Variants in DOCK10 observed in about 807,000 individuals in gnomAD.
The protein encoded by DOCK10 is dedicator of cytokinesis 10.
Under a neutral mutation model 280.1 loss-of-function variants are expected in DOCK10, and 145 were observed. That is an observed-to-expected ratio of 0.52 (90% CI 0.45 to 0.59). DOCK10 has a LOEUF of 0.59. Ranked by LOEUF, DOCK10 falls within the 20% of genes least tolerant of loss-of-function variation. The pLI is 0.00. For missense variants in DOCK10, 2,368 were observed against 2,651.7 expected, an observed-to-expected ratio of 0.89 and a Z score of 2.35; for synonymous variants, 915 against 942.2, an observed-to-expected ratio of 0.97 and a Z score of 0.53.
rs1701134888 is a variant in DOCK10, at chr2:224,913,236, T to C, written c.333+3459A>G. On this transcript the variant is annotated intron_variant, in intron 3 of 55. Coordinates refer to ENST00000258390, the MANE Select transcript of DOCK10 (RefSeq NM_014689.3). ...ACAGATGTGAGTATTTCAAACATCATGTGATCGTGTTTCTTTCACTATATT... is the reference window on the plus strand; with the variant it reads ...ACAGATGTGAGTATTTCAAACATCACGTGATCGTGTTTCTTTCACTATATT... Among the ~76,000 whole-genome samples, 4 of 152,224 alleles carry C rather than the reference T, an allele frequency of 2.6e-5. No individual in the cohort carries two copies. The South Asian group carries it at 8.3e-4, about 31-fold the overall frequency.
chr2:224,811,272 A>T (rs1445553684), intron 31 of DOCK10, among the ~76,000 whole-genome samples: 5 of 152,212 alleles, frequency 3.3e-5, no homozygotes. Flanking sequence ...TTTTGGCTGC[A>T]TAAATGTCTT....
chr2:224,973,555 C>T (rs1705220033), intron 1 of DOCK10, among the ~76,000 whole-genome samples: 1 of 152,096 alleles, frequency 6.6e-6, no homozygotes. Context: ...AACAGATTCT[C>T]CCCTAGCACC....
intron 21 of DOCK10, 74 bp from the exon 22 acceptor site, chr2:224,844,913 G>C: frequency 9.1e-7 from 1 of 1,100,654 alleles, no homozygotes; most frequent in South Asian, 1.3e-5. Flanking sequence ...TTTAGTTTAT[G>C]TTAATGTGCT....
intron 1 of DOCK10, among the ~76,000 whole-genome samples, chr2:224,956,945 A>G (rs1464519096): frequency 6.6e-6 from 1 of 152,228 alleles, no homozygotes; most frequent in Non-Finnish European, 1.5e-5. Context: ...CAGCCTCTTC[A>G]CTGGCCACGG....
intron 50 of DOCK10, among the ~76,000 whole-genome samples, chr2:224,784,413 T>TAC (rs1691588681): frequency 2.6e-5 from 4 of 152,242 alleles, no homozygotes; most frequent in South Asian, 2.1e-4. Flanking sequence ...AAGTCTATGC[T>TAC]ACATATATTT....
chr2:224,931,788 G>A (rs897062279), intron 1 of DOCK10, 120 bp from the exon 2 acceptor site: 8 of 1,113,970 alleles, frequency 7.2e-6, no homozygotes, highest in Non-Finnish European at 7.3e-6. Context: ...TCCTTCCAAT[G>A]CAGTCACAGA....
chr2:224,844,639 C>T (rs928760209), intron 22 of DOCK10, 114 bp downstream of exon 22: 17 of 715,440 alleles, frequency 2.4e-5, no homozygotes, highest in Non-Finnish European at 3.4e-5. Flanking sequence ...AGTATTCAAA[C>T]ACCTGCCTTT....
Position 225,042,284 on chromosome 2 carries a change from C to T in DOCK10, c.91G>A (p.Ala31Thr), listed in dbSNP as rs781532938. 7.5e-6 allele frequency: 10 copies of T among 1,339,202 alleles called. No homozygotes were observed. The South Asian group carries it at 1.5e-4, about 20-fold the overall frequency. The allele number at this position is 1,339,202 out of a possible 1,614,324, so 83.0% of individuals were successfully genotyped here. ...ELRHSAASAA[A>T]VAVSSRQQQR... ...TGCTGCCGGCTGCTGACTGCCACCG[C>T]GGCGGCGGACGCGGCGCTGTGCCGG... Residue 31 changes from alanine (A) to threonine (T), a missense_variant, in exon 1 of 56, where the codon GCG becomes ACG. By Grantham distance (58) the Ala-to-Thr change is moderately conservative. Transcript: ENST00000258390. This position sits in a 1 kb window ranked among gnomAD's most constrained non-coding sequence, Gnocchi z 5.1.
At chr2:224,787,995 C>G (rs954755737) in intron 48 of DOCK10, among the ~76,000 whole-genome samples, 22 of 152,178 alleles carry the variant, frequency 1.4e-4, no homozygotes, top group Non-Finnish European at 3.1e-4. Context: ...CTATAAGAAC[C>G]TTATTTCACA....
intron 11 of DOCK10, among the ~76,000 whole-genome samples, chr2:224,867,075 T>C (rs1189403605): frequency 6.9e-6 from 1 of 144,236 alleles, no homozygotes; most frequent in African/African-American, 2.6e-5. Flanking sequence ...AGCTAAGAAA[T>C]ACACACACAC....
intron 17 of DOCK10, 39 bp from the exon 18 acceptor site, chr2:224,852,481 CT>C: frequency 6.6e-7 from 1 of 1,510,682 alleles, no homozygotes; most frequent in Non-Finnish European, 9.0e-7. Context: ...TTGTAATTTC[CT>C]ATCAAATAAC....
chr2:224,785,143 T>C (rs1319207818), intron 50 of DOCK10, among the ~76,000 whole-genome samples: 1 of 152,184 alleles, frequency 6.6e-6, no homozygotes, highest in Admixed American at 6.5e-5. Flanking sequence ...TATATTTTCT[T>C]CATGGCTTCC....
At chr2:225,026,437 G>A (rs1321949986) in intron 1 of DOCK10, among the ~76,000 whole-genome samples, 2 of 152,174 alleles carry the variant, frequency 1.3e-5, no homozygotes, top group African/African-American at 4.8e-5. Flanking sequence ...CACTGTCTGG[G>A]GAAGAAATAC....
In DOCK10 at chr2:224,991,088, A is replaced by C. The variant is rs183395899; in HGVS notation, c.123+51164T>G. ...CCTGGTCCAGCCAATTTCTACTGGA[A>C]GGATGTCCCCGGTGAAGGCAGGTGG... is the stretch of plus-strand genomic sequence containing the variant. On this transcript the variant is annotated intron_variant, in intron 1 of 55. Coordinates refer to ENST00000258390, the MANE Select transcript of DOCK10 (RefSeq NM_014689.3). 7.4e-4 allele frequency among the ~76,000 whole-genome samples: 112 copies of C among 152,354 alleles called. 1 individual carries two copies. Among genetic ancestry groups the C allele is most frequent in the Middle Eastern group, 3.4e-3 (1 of 294 alleles).
chr2:224,774,312 C>G (rs1690670577), intron 52 of DOCK10, among the ~76,000 whole-genome samples: 1 of 152,148 alleles, frequency 6.6e-6, no homozygotes, highest in Admixed American at 6.5e-5. Flanking sequence ...TTACTTGGCT[C>G]TTTCTCCTAC....
At chr2:224,890,173 C>G (rs543302163) in intron 4 of DOCK10, among the ~76,000 whole-genome samples, 95 of 152,336 alleles carry the variant, frequency 6.2e-4, no homozygotes, top group African/African-American at 2.0e-3. Flanking sequence ...TCTGAACCTC[C>G]TATTCTGTCC....
chr2:224,961,576 G>A (rs549717039), intron 1 of DOCK10, among the ~76,000 whole-genome samples: 3 of 148,336 alleles, frequency 2.0e-5, no homozygotes, highest in South Asian at 2.1e-4. Context: ...GTGCGATCTC[G>A]GCTCACTGCA....
intron 31 of DOCK10, among the ~76,000 whole-genome samples, chr2:224,808,766 T>A (rs1203870013): frequency 6.6e-6 from 1 of 152,130 alleles, no homozygotes; most frequent in Non-Finnish European, 1.5e-5. Flanking sequence ...AGCTTTGAGA[T>A]CAGTGCCCTG....
chr2:224,840,231 A>C, intron 23 of DOCK10, 159 bp from the exon 24 acceptor site: 1 of 512,798 alleles, frequency 2.0e-6, no homozygotes, highest in Non-Finnish European at 3.5e-6. Context: ...CTCAAAGCTC[A>C]GGCAGCAAAG....
Sources: allele counts gnomAD v4.1 joint callset (sites outside exome capture counted in the v4.1 genomes callset), GRCh38; gene constraint gnomAD v4.1.1; non-coding constraint Gnocchi (gnomAD v3.1); transcripts MANE v1.5; gene names NCBI Gene and HGNC (gene_info 2026-07-23, HGNC 2026-07-21).